TMEM217B: variants seen among roughly 807,000 people sequenced by gnomAD.
The protein encoded by TMEM217B is putative transmembrane protein 217B.
chr6:37,219,119 C>G, the TMEM217B span: 1 of 1,288,922 alleles, frequency 7.8e-7, no homozygotes, highest in Non-Finnish European at 1.1e-6. Flanking sequence ...GCCTCCTTCC[C>G]CAAATCTACT....
At chr6:37,239,901 A>AAG in the TMEM217B span, among the ~76,000 whole-genome samples, 1 of 151,998 alleles carries the variant, frequency 6.6e-6, no homozygotes, top group African/African-American at 2.4e-5. Context: ...TAAAAAAAAA[A>AAG]AAAAAGAAGA....
chr6:37,248,600 C>T, the TMEM217B span, among the ~76,000 whole-genome samples: 9 of 152,196 alleles, frequency 5.9e-5, no homozygotes, highest in Non-Finnish European at 1.2e-4. Flanking sequence ...AAGCCTCTTC[C>T]TCTCTTTGAG....
chr6:37,244,114 T>C, the TMEM217B span, among the ~76,000 whole-genome samples: 1 of 152,218 alleles, frequency 6.6e-6, no homozygotes, highest in East Asian at 1.9e-4. Context: ...CCTCTCATAA[T>C]CCTAACCTTG....
At chr6:37,213,229 C>T in the TMEM217B span, among the ~76,000 whole-genome samples, 1 of 152,228 alleles carries the variant, frequency 6.6e-6, no homozygotes, top group South Asian at 2.1e-4. Flanking sequence ...TCCTAAGTAG[C>T]TTCCAATTCT....
At chr6:37,222,637 C>T in the TMEM217B span, among the ~76,000 whole-genome samples, 10 of 152,350 alleles carry the variant, frequency 6.6e-5, no homozygotes, top group African/African-American at 2.4e-4. Flanking sequence ...GCAGATCCTG[C>T]CTATTCCCGG....
chr6:37,239,191 T>A, the TMEM217B span, among the ~76,000 whole-genome samples: 1 of 151,026 alleles, frequency 6.6e-6, no homozygotes, highest in Admixed American at 6.6e-5. Context: ...AAGCATACAA[T>A]AAAAATTCAG....
the TMEM217B span, among the ~76,000 whole-genome samples, chr6:37,229,351 T>TG: frequency 1.5e-5 from 2 of 136,428 alleles, no homozygotes; most frequent in African/African-American, 5.6e-5. Context: ...TTTTTTTTTT[T>TG]TTTTTTTTTG....
the TMEM217B span, among the ~76,000 whole-genome samples, chr6:37,219,911 C>T: frequency 6.6e-6 from 1 of 152,108 alleles, no homozygotes; most frequent in African/African-American, 2.4e-5. Flanking sequence ...CACCAACTGG[C>T]TTTGGGCAAT....
the TMEM217B span, among the ~76,000 whole-genome samples, chr6:37,225,063 G>C: frequency 6.6e-6 from 1 of 151,686 alleles, no homozygotes; most frequent in Non-Finnish European, 1.5e-5. Context: ...TAGGTGTGGT[G>C]GTGGCACATC....
At chr6:37,243,888 G>A in the TMEM217B span, among the ~76,000 whole-genome samples, 21 of 152,142 alleles carry the variant, frequency 1.4e-4, no homozygotes, top group Non-Finnish European at 2.6e-4. Context: ...GGATGGGGGG[G>A]TGCACAGGAC....
At chr6:37,217,152 G>A in the TMEM217B span, among the ~76,000 whole-genome samples, 7,675 of 152,218 alleles carry the variant, frequency 0.05, 634 homozygotes, top group African/African-American at 0.17. Flanking sequence ...AAATTAGCCA[G>A]GCATGGTGGC....
the TMEM217B span, chr6:37,218,398 A>T: frequency 6.5e-7 from 1 of 1,526,816 alleles, no homozygotes. Context: ...GCTGGTCTTG[A>T]ACTCCTGACC....
the TMEM217B span, among the ~76,000 whole-genome samples, chr6:37,243,874 C>T: frequency 1.3e-3 from 197 of 152,224 alleles, no homozygotes; most frequent in African/African-American, 4.4e-3. Flanking sequence ...CTGAGTCTGC[C>T]TCTGGATGGG....
chr6:37,247,370 T>C, the TMEM217B span, among the ~76,000 whole-genome samples: 1 of 144,530 alleles, frequency 6.9e-6, no homozygotes, highest in African/African-American at 2.6e-5. Flanking sequence ...AGGCAGTCAA[T>C]AAAGGGCGAA....
the TMEM217B span, chr6:37,213,106 TG>T: frequency 1.3e-6 from 1 of 757,266 alleles, no homozygotes. Flanking sequence ...TGATGGTGTG[TG>T]GACAGGCAAT....
chr6:37,231,042 T>C, the TMEM217B span, among the ~76,000 whole-genome samples: 2 of 151,998 alleles, frequency 1.3e-5, no homozygotes, highest in African/African-American at 4.8e-5. Flanking sequence ...AAATTCCATT[T>C]AATTTAGTTT....
chr6:37,212,792 T>G, the TMEM217B span: 2 of 735,102 alleles, frequency 2.7e-6, no homozygotes, highest in Non-Finnish European at 4.9e-6. Flanking sequence ...AGGCCAGTGC[T>G]GATATTAGCC....
At chr6:37,234,378 G>A in the TMEM217B span, among the ~76,000 whole-genome samples, 8 of 152,298 alleles carry the variant, frequency 5.3e-5, no homozygotes, top group Non-Finnish European at 1.0e-4. Context: ...GAAACTACAG[G>A]CGTGAGCCAC....
chr6:37,236,593 A>G, the TMEM217B span, among the ~76,000 whole-genome samples: 1 of 152,040 alleles, frequency 6.6e-6, no homozygotes, highest in Non-Finnish European at 1.5e-5. Flanking sequence ...TCTTGGCTTC[A>G]CCATTTACTG....
Sources: allele counts gnomAD v4.1 joint callset (sites outside exome capture counted in the v4.1 genomes callset), GRCh38; gene constraint gnomAD v4.1.1; transcripts MANE v1.5; gene names NCBI Gene and HGNC (gene_info 2026-07-23, HGNC 2026-07-21).